The following SYN3 variants were observed in gnomAD, a reference collection of about 807,000 sequenced individuals.
SYN3 encodes the protein synapsin-3.
A neutral mutation model predicts 65.8 loss-of-function variants in SYN3; 35 were observed. The observed-to-expected ratio is 0.53, with a 90% CI of 0.41 to 0.70. SYN3 has a LOEUF of 0.70. Ranked by LOEUF, SYN3 falls within the 30% of genes least tolerant of loss-of-function variation. The pLI is 0.00. For synonymous variants in SYN3, 270 were observed against 292.9 expected, an observed-to-expected ratio of 0.92 and a Z score of 0.80; for missense variants, 680 against 749.0, an observed-to-expected ratio of 0.91 and a Z score of 1.08.
At chr22:32,563,920 C>G (rs952131618) in intron 7 of SYN3, among the ~76,000 whole-genome samples, 1 of 152,096 alleles carries the variant, frequency 6.6e-6, no homozygotes, top group East Asian at 1.9e-4. Context: ...CTGCCTCCCT[C>G]GGCCTCCCAA....
At chr22:33,042,040 T>C (rs1569420128) in intron 1 of SYN3, among the ~76,000 whole-genome samples, 2 of 152,312 alleles carry the variant, frequency 1.3e-5, no homozygotes, top group South Asian at 2.1e-4. Context: ...ATGAGGCCTT[T>C]GGAAGCTGAT....
At chr22:32,700,396 G>A (rs919990984) in intron 6 of SYN3, among the ~76,000 whole-genome samples, 14 of 152,052 alleles carry the variant, frequency 9.2e-5, no homozygotes, top group Admixed American at 7.9e-4. Flanking sequence ...GACATAATAC[G>A]GCCCTATTGT....
At chr22:32,627,535 T>A (rs1266053419) in intron 6 of SYN3, among the ~76,000 whole-genome samples, 4 of 151,874 alleles carry the variant, frequency 2.6e-5, no homozygotes, top group Non-Finnish European at 5.9e-5. Context: ...ACCCAGAAGC[T>A]GAGACTTTGA....
chr22:32,859,520 C>T, intron 6 of SYN3: 1 of 1,074,750 alleles, frequency 9.3e-7, no homozygotes, highest in Non-Finnish European at 1.3e-6. Context: ...AAGGTCTATG[C>T]TGTCATATGG....
intron 5 of SYN3, among the ~76,000 whole-genome samples, chr22:32,866,391 T>G (rs919885445): frequency 2.6e-5 from 4 of 152,072 alleles, no homozygotes; most frequent in African/African-American, 9.7e-5. Context: ...TGGAAAACGA[T>G]GTATGTGTGT....
At chr22:32,931,521 C>A in intron 3 of SYN3, 40 bp from the exon 4 acceptor site, 1 of 1,416,148 alleles carries the variant, frequency 7.1e-7, no homozygotes. Flanking sequence ...TCATCAAATA[C>A]CAACGGTGGT....
chr22:32,554,438 C>T (rs2058461877), intron 7 of SYN3, among the ~76,000 whole-genome samples: 1 of 152,138 alleles, frequency 6.6e-6, no homozygotes, highest in African/African-American at 2.4e-5. Flanking sequence ...ATATTTACTG[C>T]CTTTCTCCTC....
At chr22:32,995,278 CTT>C (rs913843022) in intron 2 of SYN3, among the ~76,000 whole-genome samples, 1 of 152,220 alleles carries the variant, frequency 6.6e-6, no homozygotes, top group African/African-American at 2.4e-5. Flanking sequence ...AGCAGTGTCT[CTT>C]GTTGCTGCCC....
intron 1 of SYN3, among the ~76,000 whole-genome samples, chr22:33,027,630 AG>A (rs2145881982): frequency 1.1e-5 from 1 of 93,634 alleles, no homozygotes; most frequent in African/African-American, 4.5e-5. Flanking sequence ...AAAGACAGAC[AG>A]ACAGACAGAG....
At chr22:32,994,492 C>A (rs1000742622) in intron 2 of SYN3, among the ~76,000 whole-genome samples, 1 of 152,168 alleles carries the variant, frequency 6.6e-6, no homozygotes. Context: ...ATCCCAGAAA[C>A]CCCTTCATTT....
chr22:32,759,451 A>G (rs2045389402), intron 6 of SYN3, among the ~76,000 whole-genome samples: 1 of 152,188 alleles, frequency 6.6e-6, no homozygotes, highest in Non-Finnish European at 1.5e-5. Context: ...GAAATTCTCA[A>G]TCATGGCACA....
At chr22:32,963,219 G>T (rs2146897041) in intron 3 of SYN3, among the ~76,000 whole-genome samples, 1 of 149,834 alleles carries the variant, frequency 6.7e-6, no homozygotes, top group Middle Eastern at 3.5e-3. Flanking sequence ...AGGATTACAG[G>T]CATGTGCCAC....
chr22:32,891,131 A>G (rs953932581), intron 4 of SYN3, among the ~76,000 whole-genome samples: 1 of 152,100 alleles, frequency 6.6e-6, no homozygotes, highest in Non-Finnish European at 1.5e-5. Flanking sequence ...TTAGGTACCA[A>G]CGAGGAGCTG....
chr22:32,668,303 A>G (rs1202970597), intron 6 of SYN3, among the ~76,000 whole-genome samples: 1 of 152,266 alleles, frequency 6.6e-6, no homozygotes, highest in Non-Finnish European at 1.5e-5. Context: ...TTACATAATT[A>G]TCTTTTCAAT....
chr22:32,682,867 A>G (rs1418918969), intron 6 of SYN3, among the ~76,000 whole-genome samples: 1 of 152,176 alleles, frequency 6.6e-6, no homozygotes, highest in Non-Finnish European at 1.5e-5. Flanking sequence ...TGTGGTACCC[A>G]TGTGTTATCA....
intron 6 of SYN3, among the ~76,000 whole-genome samples, chr22:32,651,180 G>A (rs1296448681): frequency 2.0e-5 from 3 of 152,188 alleles, no homozygotes; most frequent in African/African-American, 4.8e-5. Flanking sequence ...CCTCACTAAG[G>A]AGGTCAGTGA....
intron 4 of SYN3, among the ~76,000 whole-genome samples, chr22:32,890,808 T>G (rs568252427): frequency 1.2e-4 from 18 of 151,480 alleles, no homozygotes; most frequent in African/African-American, 2.7e-4. Context: ...ACTATATATA[T>G]AGAGAGAGAG....
chr22:32,695,715 G>T (rs2060726917), intron 6 of SYN3, among the ~76,000 whole-genome samples: 1 of 152,146 alleles, frequency 6.6e-6, no homozygotes, highest in Admixed American at 6.5e-5. Flanking sequence ...GTCAGGGTTT[G>T]TACTACTGGC....
intron 6 of SYN3, among the ~76,000 whole-genome samples, chr22:32,822,984 T>C (rs995074692): frequency 6.6e-6 from 1 of 151,222 alleles, no homozygotes; most frequent in African/African-American, 2.4e-5. Context: ...TAGAGAAGAG[T>C]CTGAATGTCT....
Sources: gnomAD v4.1 joint callset for allele counts (sites outside exome capture counted in the v4.1 genomes callset) on GRCh38, gnomAD v4.1.1 for gene constraint, MANE v1.5 for transcripts, NCBI Gene and HGNC (gene_info 2026-07-23, HGNC 2026-07-21) for gene names.